Variants in DGKB observed in about 807,000 individuals in gnomAD.
DGKB encodes the protein diacylglycerol kinase beta.
DGKB carries 67 observed loss-of-function variants against 114.3 expected under a neutral mutation model. The ratio of observed to expected loss-of-function variants is 0.59; its 90% CI spans 0.48 to 0.72. The LOEUF is 0.72. Among genes scored for constraint, DGKB ranks in the 30% least tolerant of loss-of-function variants. The pLI is 0.00. For missense variants in DGKB, 907 were observed against 975.2 expected, an observed-to-expected ratio of 0.93 and a Z score of 0.93; for synonymous variants, 398 against 323.1, an observed-to-expected ratio of 1.23 and a Z score of -2.49.
chr7:14,210,290 G>T (rs192352274), intron 23 of DGKB, among the ~76,000 whole-genome samples: 5 of 152,132 alleles, frequency 3.3e-5, no homozygotes, highest in Non-Finnish European at 7.4e-5. Context: ...GCAAATGCCT[G>T]ACTCTTTAAC....
At chr7:14,393,618 C>T (rs947304565) in intron 21 of DGKB, among the ~76,000 whole-genome samples, 6 of 152,128 alleles carry the variant, frequency 3.9e-5, no homozygotes, top group Non-Finnish European at 5.9e-5. Context: ...ACACTGCTCT[C>T]GAAGGATCAT....
chr7:14,512,093 A>C (rs1788063244), intron 20 of DGKB, among the ~76,000 whole-genome samples: 1 of 152,146 alleles, frequency 6.6e-6, no homozygotes, highest in Non-Finnish European at 1.5e-5. Context: ...ACATGCATTT[A>C]AAAAAATGGT....
chr7:14,587,928 T>G (rs564902129), intron 17 of DGKB, among the ~76,000 whole-genome samples: 2 of 152,204 alleles, frequency 1.3e-5, no homozygotes, highest in Non-Finnish European at 2.9e-5. Flanking sequence ...TATTGTGATA[T>G]TCACTTTATT....
chr7:14,164,045 CACA>C (rs977358968), intron 25 of DGKB, among the ~76,000 whole-genome samples: 33 of 151,860 alleles, frequency 2.2e-4, no homozygotes, highest in African/African-American at 7.5e-4. Context: ...ACCTCACCAC[CACA>C]ACAACAACAA....
At chr7:14,952,203 C>G (rs1238683293) in intron 1 of DGKB, among the ~76,000 whole-genome samples, 1 of 152,002 alleles carries the variant, frequency 6.6e-6, no homozygotes, top group East Asian at 1.9e-4. Flanking sequence ...AGACCTGGAA[C>G]AGATTCTTCC....
intron 1 of DGKB, among the ~76,000 whole-genome samples, chr7:14,966,972 T>C (rs1306721895): frequency 6.6e-6 from 1 of 152,196 alleles, no homozygotes; most frequent in Non-Finnish European, 1.5e-5. Flanking sequence ...GAATTGTACA[T>C]TGTACAATAT....
At chr7:14,557,749 T>C (rs959748989) in intron 20 of DGKB, among the ~76,000 whole-genome samples, 1 of 151,982 alleles carries the variant, frequency 6.6e-6, no homozygotes. Flanking sequence ...ATGATGCTTA[T>C]GGAAATTCTT....
chr7:14,640,918 A>C (rs1811653773), intron 13 of DGKB, among the ~76,000 whole-genome samples: 1 of 152,312 alleles, frequency 6.6e-6, no homozygotes, highest in South Asian at 2.1e-4. Context: ...CTGCATTCAA[A>C]ATGTAAAAAT....
chr7:14,164,134 C>T (rs900946245), intron 25 of DGKB, among the ~76,000 whole-genome samples: 2 of 151,976 alleles, frequency 1.3e-5, no homozygotes, highest in African/African-American at 4.8e-5. Context: ...TTTCTAGGCA[C>T]ATCAGGAAAA....
At chr7:14,362,652 A>C (rs76511173) in intron 21 of DGKB, among the ~76,000 whole-genome samples, 7,873 of 108,240 alleles carry the variant, frequency 0.073, 290 homozygotes, top group South Asian at 0.099. Flanking sequence ...ATAAAAACCC[A>C]AAAAAAATGC....
chr7:14,356,110 G>A (rs901338113), intron 21 of DGKB, among the ~76,000 whole-genome samples: 1 of 152,084 alleles, frequency 6.6e-6, no homozygotes, highest in African/African-American at 2.4e-5. Context: ...ATTTCTGTGG[G>A]ATCAGTGGTG....
chr7:14,495,511 A>C (rs1179249824), intron 20 of DGKB, among the ~76,000 whole-genome samples: 1 of 151,592 alleles, frequency 6.6e-6, no homozygotes, highest in East Asian at 1.9e-4. Flanking sequence ...AAACAAAACC[A>C]AGATGACAAT....
intron 25 of DGKB, among the ~76,000 whole-genome samples, chr7:14,171,271 T>C (rs1037833212): frequency 6.6e-6 from 1 of 152,192 alleles, no homozygotes; most frequent in African/African-American, 2.4e-5. Context: ...AGAGTCTTCT[T>C]AGTCTACCTG....
rs888213576 is a variant in DGKB at position 14,283,485 on chromosome 7, C to A, written c.2122+55030G>T. Among the ~76,000 whole-genome samples, 7 of 150,386 alleles carry A rather than the reference C, an allele frequency of 4.7e-5. No individual in the cohort carries two copies. In the East Asian group the frequency reaches 7.8e-4, roughly 17 times the overall value. ...TGCCATCCCCATCAAGCTACCAATGCCTTTCTTCACAGAATTGGAAAAAAC... is the reference window on the plus strand; with the variant it reads ...TGCCATCCCCATCAAGCTACCAATGACTTTCTTCACAGAATTGGAAAAAAC... On this transcript the variant is annotated intron_variant, in intron 23 of 25. Coordinates refer to ENST00000402815, the MANE Select transcript of DGKB (RefSeq NM_001350709.2).
intron 20 of DGKB, among the ~76,000 whole-genome samples, chr7:14,549,995 A>C (rs1398871641): frequency 1.3e-5 from 2 of 152,106 alleles, no homozygotes; most frequent in African/African-American, 2.4e-5. Context: ...AAAAAAAAAA[A>C]ACAAAAAACT....
At chr7:14,284,975 A>G (rs899774562) in intron 23 of DGKB, among the ~76,000 whole-genome samples, 1 of 151,780 alleles carries the variant, frequency 6.6e-6, no homozygotes. Context: ...ACTAACCTGC[A>G]CAATGTGCAC....
intron 20 of DGKB, among the ~76,000 whole-genome samples, chr7:14,517,424 A>G (rs1789002806): frequency 6.6e-6 from 1 of 152,006 alleles, no homozygotes; most frequent in Admixed American, 6.6e-5. Flanking sequence ...AAGACACCAC[A>G]AGCAATTGCA....
chr7:14,855,069 C>A (rs997036805), intron 1 of DGKB, among the ~76,000 whole-genome samples: 4 of 152,062 alleles, frequency 2.6e-5, no homozygotes, highest in Non-Finnish European at 5.9e-5. Context: ...CTAAAAAAAG[C>A]TACTAGAAAT....
intron 17 of DGKB, among the ~76,000 whole-genome samples, chr7:14,606,057 G>C (rs769000478): frequency 6.6e-6 from 1 of 152,032 alleles, no homozygotes; most frequent in Non-Finnish European, 1.5e-5. Context: ...TCAACTTACA[G>C]GGGTCTTAGA....
Sources: gnomAD v4.1 joint callset for allele counts (sites outside exome capture counted in the v4.1 genomes callset) on GRCh38, gnomAD v4.1.1 for gene constraint, MANE v1.5 for transcripts, NCBI Gene and HGNC (gene_info 2026-07-23, HGNC 2026-07-21) for gene names.